TTC29: variants seen among roughly 807,000 people sequenced by gnomAD.
The protein encoded by TTC29 is tetratricopeptide repeat domain 29.
Under a neutral mutation model 58.1 loss-of-function variants are expected in TTC29, and 49 were observed. That is an observed-to-expected ratio of 0.84 (90% CI 0.67 to 1.07). The LOEUF (loss-of-function observed/expected upper bound fraction) is 1.07. Ranked by LOEUF, TTC29 falls within the 50% of genes least tolerant of loss-of-function variation. TTC29 has a pLI of 0.00. For missense variants in TTC29, 582 were observed against 555.6 expected (o/e 1.05, Z -0.48); for synonymous variants, 209 against 196.8 (o/e 1.06, Z -0.52).
chr4:146,864,785 C>T lies in TTC29; in HGVS notation c.885+2713G>A, dbSNP rs561198067. Among the ~76,000 whole-genome samples, 10 of 152,136 alleles carry T rather than the reference C, an allele frequency of 6.6e-5. No individual in the cohort carries two copies. The South Asian group carries it at 8.3e-4, about 13-fold the overall frequency. ...TTCCTGTCTTCTGTTTCAAATCTTC[C>T]GCCTTTTTCTTATAAGAATGTTTGT... On this transcript the variant is annotated intron_variant, in intron 8 of 12. Transcript: ENST00000325106.
intron 9 of TTC29, among the ~76,000 whole-genome samples, chr4:146,833,478 G>A (rs1181860256): frequency 6.6e-6 from 1 of 152,208 alleles, no homozygotes; most frequent in Admixed American, 6.5e-5. Context: ...CACAGCCACT[G>A]AAGCGTACTA....
At chr4:146,742,548 C>G (rs1033536286) in intron 11 of TTC29, among the ~76,000 whole-genome samples, 5 of 151,912 alleles carry the variant, frequency 3.3e-5, no homozygotes, top group African/African-American at 1.2e-4. Context: ...TCAGTGTAAA[C>G]TAATCTTCCT....
At chr4:146,939,049 C>G (rs957367515) in intron 3 of TTC29, among the ~76,000 whole-genome samples, 14 of 152,164 alleles carry the variant, frequency 9.2e-5, no homozygotes, top group Non-Finnish European at 1.9e-4. Flanking sequence ...TTTCAAGCCC[C>G]AGCATCATTT....
chr4:146,905,573 G>A (rs1161736458), intron 5 of TTC29, among the ~76,000 whole-genome samples: 1 of 151,906 alleles, frequency 6.6e-6, no homozygotes, highest in Admixed American at 6.6e-5. Flanking sequence ...AAATCTTTGG[G>A]CAATCCAAAT....
chr4:146,916,160 T>C (rs1473280961), intron 4 of TTC29, among the ~76,000 whole-genome samples: 5 of 151,792 alleles, frequency 3.3e-5, no homozygotes, highest in African/African-American at 1.2e-4. Flanking sequence ...TCTTTTTCGG[T>C]GTAGATAGAT....
intron 8 of TTC29, among the ~76,000 whole-genome samples, chr4:146,849,680 A>G (rs1729393063): frequency 6.6e-6 from 1 of 152,106 alleles, no homozygotes; most frequent in African/African-American, 2.4e-5. Flanking sequence ...TAGAAAAAAA[A>G]AAAGTCATGC....
chr4:146,820,290 C>G (rs114023830), intron 9 of TTC29, 42 bp from the exon 10 acceptor site: 1,091 of 1,588,596 alleles, frequency 6.9e-4, no homozygotes, highest in Non-Finnish European at 8.7e-4. Flanking sequence ...TATCATCTCA[C>G]TTAATGTCAC....
chr4:146,729,197 A>C (rs1744146016), intron 11 of TTC29, among the ~76,000 whole-genome samples: 1 of 152,098 alleles, frequency 6.6e-6, no homozygotes, highest in African/African-American at 2.4e-5. Context: ...GCCATCTTAT[A>C]CTAACTTATA....
chr4:146,803,409 A>G (rs929203088), intron 11 of TTC29, 48 bp downstream of exon 11: 1 of 1,277,834 alleles, frequency 7.8e-7, no homozygotes, highest in African/African-American at 1.5e-5. Flanking sequence ...TAAATTAATC[A>G]TTGAGAATGA....
chr4:146,933,659 A>G (rs996769091), intron 4 of TTC29, among the ~76,000 whole-genome samples: 4 of 152,228 alleles, frequency 2.6e-5, no homozygotes, highest in Non-Finnish European at 5.9e-5. Flanking sequence ...AATCATCATT[A>G]TCAAATATGG....
chr4:146,871,501 T>C (rs1730929073), intron 7 of TTC29, among the ~76,000 whole-genome samples: 1 of 151,876 alleles, frequency 6.6e-6, no homozygotes, highest in South Asian at 2.1e-4. Context: ...TAGTCTTGTA[T>C]ATAGAGAATC....
intron 6 of TTC29, among the ~76,000 whole-genome samples, chr4:146,875,550 T>A (rs1012335329): frequency 6.6e-6 from 1 of 152,120 alleles, no homozygotes; most frequent in South Asian, 2.1e-4. Flanking sequence ...AGTGGTGCAA[T>A]CACAGCTTAC....
chr4:146,899,719 C>T (rs1289199316), intron 6 of TTC29, among the ~76,000 whole-genome samples: 1 of 152,194 alleles, frequency 6.6e-6, no homozygotes, highest in Non-Finnish European at 1.5e-5. Flanking sequence ...TGACTGTAGC[C>T]ATGTGCCCAG....
At chr4:146,874,414 A>G (rs1731121867) in intron 7 of TTC29, among the ~76,000 whole-genome samples, 1 of 152,168 alleles carries the variant, frequency 6.6e-6, no homozygotes. Context: ...GCGCATGCAC[A>G]CACACATGCT....
At chr4:146,867,028 A>T (rs1017155940) in intron 8 of TTC29, among the ~76,000 whole-genome samples, 15 of 151,952 alleles carry the variant, frequency 9.9e-5, no homozygotes, top group African/African-American at 3.6e-4. Flanking sequence ...ACTAACACCC[A>T]CCTCCACCTC....
chr4:146,926,462 GT>G (rs1011947484), intron 4 of TTC29, among the ~76,000 whole-genome samples: 8 of 151,194 alleles, frequency 5.3e-5, no homozygotes, highest in Admixed American at 3.3e-4. Context: ...TAATACAAAG[GT>G]TTTTTTTTGT....
intron 6 of TTC29, among the ~76,000 whole-genome samples, chr4:146,899,725 C>T (rs1025574503): frequency 2.0e-5 from 3 of 152,174 alleles, no homozygotes; most frequent in African/African-American, 7.2e-5. Flanking sequence ...TAGCCATGTG[C>T]CCAGTCTCTG....
At chr4:146,825,935 T>TTTTC (rs1727763817) in intron 9 of TTC29, among the ~76,000 whole-genome samples, 1 of 150,810 alleles carries the variant, frequency 6.6e-6, no homozygotes. Context: ...CCCTGCTTTT[T>TTTTC]TTTTTAAAAA....
intron 8 of TTC29, among the ~76,000 whole-genome samples, chr4:146,865,761 A>G (rs1730523056): frequency 1.3e-5 from 2 of 152,228 alleles, no homozygotes; most frequent in African/African-American, 4.8e-5. Context: ...GTCCTCACAC[A>G]CATACAAAAG....
Sources: gnomAD v4.1 joint callset for allele counts (sites outside exome capture counted in the v4.1 genomes callset) on GRCh38, gnomAD v4.1.1 for gene constraint, MANE v1.5 for transcripts, NCBI Gene and HGNC (gene_info 2026-07-23, HGNC 2026-07-21) for gene names.